Variants in IFFO2 observed in about 807,000 individuals in gnomAD.
IFFO2 encodes the protein intermediate filament family orphan 2.
A neutral mutation model predicts 53.5 loss-of-function variants in IFFO2; 19 were observed. The ratio of observed to expected loss-of-function variants is 0.36; its 90% CI spans 0.25 to 0.52. The LOEUF (loss-of-function observed/expected upper bound fraction) is 0.52, where lower values mean the gene tolerates loss of function less well. IFFO2 is among the 20% of genes least tolerant of loss of function. The pLI is 0.94. For missense variants in IFFO2, 570 were observed against 727.4 expected, an observed-to-expected ratio of 0.78 and a Z score of 2.49; for synonymous variants, 303 against 313.6, an observed-to-expected ratio of 0.97 and a Z score of 0.36.
intron 1 of IFFO2, among the ~76,000 whole-genome samples, chr1:18,942,433 C>T (rs1455534280): frequency 6.6e-6 from 1 of 152,116 alleles, no homozygotes; most frequent in Non-Finnish European, 1.5e-5. Flanking sequence ...AGGGAGGGAG[C>T]GGTAACAGCT....
rs1304302768 is a variant in IFFO2, at chr1:18,905,305, C to G, written c.*3256G>C. 6.6e-6 allele frequency: 1 copy of G among 152,116 alleles called. No homozygotes were observed. Among genetic ancestry groups the G allele is most frequent in the Admixed American group, 6.5e-5 (1 of 15,278 alleles). 9.4% of individuals were successfully genotyped at this position (152,116 alleles called of 1,614,324 possible). ...CAAAAGTGAGGACAGAAGACGAGGC[C>G]GGGGGACAGGAATGGGTTCCATTCA... On this transcript the variant is annotated 3_prime_UTR_variant, in exon 9 of 9. Coordinates refer to ENST00000455833, the MANE Select transcript of IFFO2 (RefSeq NM_001136265.2).
At chr1:18,944,156 T>C (rs921838574) in intron 1 of IFFO2, among the ~76,000 whole-genome samples, 4 of 152,122 alleles carry the variant, frequency 2.6e-5, no homozygotes, top group African/African-American at 9.7e-5. Context: ...GTCGTGAATA[T>C]GCAAATAGGG....
chr1:18,956,027 G>A lies in IFFO2; in HGVS notation c.306C>T (p.Ser102=). 6.9e-7 allele frequency: 1 copy of A among 1,448,486 alleles called. No individual in the cohort carries two copies. Among genetic ancestry groups the A allele is most frequent in the Non-Finnish European group, 9.2e-7 (1 of 1,086,328 alleles). The allele number at this position is 1,448,486 out of a possible 1,614,324, so 89.7% of individuals were successfully genotyped here. A position where few individuals can be genotyped will look rare whatever the true frequency, so the allele number is the denominator to read the frequency against. The part of the protein sequence containing the change: ...RERRLRYKTF[S]REQAVQTGPE... ...GCCCGGTCTGCACGGCCTGCTCGCG[G>A]GAGAAGGTCTTGTAGCGCAGCCGCC... is the stretch of plus-strand genomic sequence containing the variant. Residue 102 remains serine (S), a synonymous_variant, in exon 1 of 9, where the codon TCC becomes TCT. Coordinates refer to ENST00000455833, the MANE Select transcript of IFFO2 (RefSeq NM_001136265.2). This position sits in a 1 kb window ranked among gnomAD's most constrained non-coding sequence, Gnocchi z 6.4.
intron 1 of IFFO2, among the ~76,000 whole-genome samples, chr1:18,937,973 C>G (rs1374255459): frequency 6.6e-6 from 1 of 152,272 alleles, no homozygotes; most frequent in East Asian, 1.9e-4. Context: ...GAGATTTGGG[C>G]CTCCAGCCAC....
At position 18,908,679 on chromosome 1, in the gene IFFO2, A is replaced by G. The variant is rs1935988287; in HGVS notation, c.1449-13T>C. On this transcript the variant is annotated splice_polypyrimidine_tract_variant and intron_variant, in intron 8 of 8. Coordinates refer to ENST00000455833, the MANE Select transcript of IFFO2 (RefSeq NM_001136265.2). ...GGACGGTGAATTCCTGAGAAGCACA[A>G]GAGAGTGGGGAAATTCAGAGAGCAG... The G allele has an allele frequency of 1.3e-6, 2 of 1,542,986 alleles. No homozygotes were observed. The highest frequency in any genetic ancestry group is 1.4e-5 in the African/African-American group (1 of 72,818).
intron 1 of IFFO2, among the ~76,000 whole-genome samples, chr1:18,937,834 G>A (rs1489217386): frequency 2.0e-5 from 3 of 152,236 alleles, no homozygotes; most frequent in Non-Finnish European, 2.9e-5. Flanking sequence ...TCCCTCAAGC[G>A]CTGCCCAGAT....
Position 18,918,552 on chromosome 1 carries a change from G to T in IFFO2, c.823-50C>A, listed in dbSNP as rs1214635846. The T allele has an allele frequency of 6.5e-7, 1 of 1,539,706 alleles. No homozygotes were observed. The highest frequency in any genetic ancestry group is 1.4e-5 in the African/African-American group (1 of 72,876). ...CATGAGCGAGGGATGGAGCAAGCCT[G>T]GGGGGCTTGGCAGAGAGGTGGGGAG... On this transcript the variant is annotated intron_variant, in intron 3 of 8. Transcript: ENST00000455833. This position sits in a 1 kb window ranked among gnomAD's most constrained non-coding sequence, Gnocchi z 5.2.
intron 1 of IFFO2, among the ~76,000 whole-genome samples, chr1:18,945,649 G>A (rs573791914): frequency 1.6e-3 from 250 of 152,356 alleles, no homozygotes; most frequent in Non-Finnish European, 2.9e-3. Flanking sequence ...GCCAGAGGGC[G>A]CTGAGCAAGC....
Position 18,910,454 on chromosome 1 carries a change from T to G in IFFO2, c.1336A>C (p.Lys446Gln). Reference sequence around the variant, plus strand: ...TGCAGGTGTCGGTTCATGTCACTTTTGGCTGTGGCCAGCTCGAGCTGGGAG... The same window carrying G: ...TGCAGGTGTCGGTTCATGTCACTTTGGGCTGTGGCCAGCTCGAGCTGGGAG... ...GQIELELATA[K>Q]SDMNRHLHEY... Residue 446 changes from lysine to glutamine, a missense_variant, in exon 8 of 9, where the codon AAA becomes CAA. Physicochemically the swap from Lys to Gln is moderately conservative, Grantham distance 53. Coordinates refer to ENST00000455833, the MANE Select transcript of IFFO2 (RefSeq NM_001136265.2). 2 of 1,613,664 alleles carry G rather than the reference T, an allele frequency of 1.2e-6. No individual in the cohort carries two copies.
At chr1:18,949,340 T>C (rs1239650788) in intron 1 of IFFO2, among the ~76,000 whole-genome samples, 3 of 152,220 alleles carry the variant, frequency 2.0e-5, no homozygotes, top group East Asian at 1.9e-4. Flanking sequence ...GGCAGACACA[T>C]GCCAGGTAGT....
chr1:18,918,409 C>T lies in IFFO2; in HGVS notation c.916G>A (p.Asp306Asn), dbSNP rs767942179. The change falls in exon 4 of 9, where the codon GAT becomes AAT. Residue 306 changes from aspartate (D) to asparagine (N), a missense_variant. Physicochemically the swap from Asp to Asn is conservative, Grantham distance 23. Transcript: ENST00000455833. This position sits in a 1 kb window ranked among gnomAD's most constrained non-coding sequence, Gnocchi z 5.2. ...TCTGAGTTCCGCTGCTGTGCGACAT[C>T]GCACAGCTTGGCCGTGATATCGATT... is the stretch of plus-strand genomic sequence containing the variant. ...RRIDITAKLC[D>N]VAQQRNSEDV... The T allele has an allele frequency of 1.2e-5, 18 of 1,556,036 alleles. No individual in the cohort carries two copies. In the East Asian group the frequency reaches 1.2e-4, roughly 10 times the overall value.
At position 18,947,802 on chromosome 1, in the gene IFFO2, G is replaced by T. The variant is rs547560352; in HGVS notation, c.665+7866C>A. Among the ~76,000 whole-genome samples, 7 of 152,348 alleles carry T rather than the reference G, an allele frequency of 4.6e-5. No homozygotes were observed. The East Asian group carries it at 1.3e-3, about 29-fold the overall frequency. On this transcript the variant is annotated intron_variant, in intron 1 of 8. Coordinates refer to ENST00000455833, the MANE Select transcript of IFFO2 (RefSeq NM_001136265.2). The surrounding 1 kb of genome is among the most constrained non-coding windows in gnomAD (Gnocchi z 5.0). ...AATAATTTCTGTAAAGTGACAGCAGGGAGTCTTCCCAGCGCAGCAGCCGCC... is the reference window on the plus strand; with the variant it reads ...AATAATTTCTGTAAAGTGACAGCAGTGAGTCTTCCCAGCGCAGCAGCCGCC...
rs1336884492 is a variant in IFFO2 at position 18,918,410 on chromosome 1, G to A, written c.915C>T (p.Cys305=). ...CTGAGTTCCGCTGCTGTGCGACATC[G>A]CACAGCTTGGCCGTGATATCGATTC... is the stretch of plus-strand genomic sequence containing the variant. ...CRRIDITAKL[C]DVAQQRNSED... is the part of the protein sequence containing the mutation. The change falls in exon 4 of 9, where the codon TGC becomes TGT. Residue 305 remains cysteine, a synonymous_variant. Transcript: ENST00000455833. The surrounding 1 kb of genome is among the most constrained non-coding windows in gnomAD (Gnocchi z 5.2). The A allele has an allele frequency of 1.2e-5, 18 of 1,556,362 alleles. No individual in the cohort carries two copies. In the East Asian group the frequency reaches 1.7e-4, roughly 15 times the overall value.
chr1:18,923,528 T>G (rs924396692), intron 1 of IFFO2, among the ~76,000 whole-genome samples: 2 of 152,212 alleles, frequency 1.3e-5, no homozygotes, highest in Non-Finnish European at 2.9e-5. Flanking sequence ...CCCGGCTCAC[T>G]GCCTTGGACA....
At chr1:18,944,772 G>A (rs1936565140) in intron 1 of IFFO2, among the ~76,000 whole-genome samples, 1 of 152,180 alleles carries the variant, frequency 6.6e-6, no homozygotes, top group Non-Finnish European at 1.5e-5. Flanking sequence ...CCCAGCATCT[G>A]GCTGAGGGAT....
At chr1:18,912,489 C>T (rs1298498044) in intron 5 of IFFO2, among the ~76,000 whole-genome samples, 2 of 152,158 alleles carry the variant, frequency 1.3e-5, no homozygotes, top group Non-Finnish European at 2.9e-5. Context: ...ACCTATTTTA[C>T]AGATGAAGAA....
chr1:18,946,946 A>G (rs1329095586), intron 1 of IFFO2, among the ~76,000 whole-genome samples: 1 of 152,238 alleles, frequency 6.6e-6, no homozygotes, highest in Non-Finnish European at 1.5e-5. Flanking sequence ...TGTTCCTACT[A>G]TCCGCAAGCA....
intron 1 of IFFO2, among the ~76,000 whole-genome samples, chr1:18,951,770 C>T (rs1936662812): frequency 6.6e-6 from 1 of 152,180 alleles, no homozygotes; most frequent in African/African-American, 2.4e-5. Flanking sequence ...GATGGGATGG[C>T]CAGCGCTGCC....
At chr1:18,927,495 A>G (rs1027884996) in intron 1 of IFFO2, among the ~76,000 whole-genome samples, 34 of 152,232 alleles carry the variant, frequency 2.2e-4, no homozygotes, top group Non-Finnish European at 1.0e-4. Flanking sequence ...ACCCCACTGC[A>G]GCAGGGCTGG....
Sources: allele counts gnomAD v4.1 joint callset (sites outside exome capture counted in the v4.1 genomes callset), GRCh38; gene constraint gnomAD v4.1.1; non-coding constraint Gnocchi (gnomAD v3.1); transcripts MANE v1.5; gene names NCBI Gene and HGNC (gene_info 2026-07-23, HGNC 2026-07-21).